SYCP2L: variants seen among roughly 807,000 people sequenced by gnomAD.
SYCP2L encodes the protein synaptonemal complex protein 2 like, also known as synaptonemal complex protein 2-like.
In SYCP2L, 98 loss-of-function variants were observed where a neutral mutation model predicts 125.8. The ratio of observed to expected loss-of-function variants is 0.78; its 90% confidence interval spans 0.66 to 0.92. The LOEUF (loss-of-function observed/expected upper bound fraction) is 0.92, where lower values mean the gene tolerates loss of function less well. SYCP2L is among the 40% of genes least tolerant of loss of function. SYCP2L has a pLI of 0.00. For missense variants in SYCP2L, 842 were observed against 936.4 expected, an observed-to-expected ratio of 0.90 and a Z score of 1.32; for synonymous variants, 317 against 325.4, an observed-to-expected ratio of 0.97 and a Z score of 0.28.
At chr6:10,910,775 T>C (rs1178134033) in intron 11 of SYCP2L, 49 bp from the exon 12 acceptor site, 1 of 1,596,436 alleles carries the variant, frequency 6.3e-7, no homozygotes. Flanking sequence ...TGTAGATGTG[T>C]TTAAGATTCA....
intron 9 of SYCP2L, among the ~76,000 whole-genome samples, chr6:10,907,030 G>GT (rs1780509444): frequency 6.6e-6 from 1 of 151,406 alleles, no homozygotes. Context: ...GATTTTTATT[G>GT]TATTTCTTAA....
At position 10,910,847 on chromosome 6, in the gene SYCP2L, C is replaced by G. The variant is rs750644170; in HGVS notation, c.896C>G (p.Ala299Gly). The G allele has an allele frequency of 6.2e-7, 1 of 1,613,880 alleles. No individual in the cohort carries two copies. The highest frequency in any genetic ancestry group is 1.7e-5 in the Admixed American group (1 of 59,990). ...AGGGTGTATTCATTTCCGTGTATTG[C>G]TGCTTTTGCTGATGAGCATGAGGTA... ...QRRVYSFPCI[A>G]AFADEHEMRK... is the part of the protein sequence containing the mutation. Residue 299 changes from alanine to glycine, a missense_variant, in exon 12 of 30, where the codon GCT becomes GGT. Transcript: ENST00000283141.
chr6:10,923,380 CTTTTTTTTTTTT>C (rs1226992236), intron 14 of SYCP2L, among the ~76,000 whole-genome samples: 3 of 92,478 alleles, frequency 3.2e-5, no homozygotes, highest in South Asian at 7.7e-4. Flanking sequence ...GAAACACACA[CTTTTTTTTTTTT>C]TTTTTTTTTT....
chr6:10,918,097 T>C (rs1386429516), intron 14 of SYCP2L, among the ~76,000 whole-genome samples: 1 of 151,318 alleles, frequency 6.6e-6, no homozygotes, highest in Admixed American at 6.6e-5. Flanking sequence ...TGTTGGGAGG[T>C]TGAGGCTGGA....
intron 6 of SYCP2L, among the ~76,000 whole-genome samples, chr6:10,900,212 G>A (rs1456299819): frequency 6.6e-6 from 1 of 152,182 alleles, no homozygotes; most frequent in African/African-American, 2.4e-5. Context: ...AGAGATTAGG[G>A]TACCAGCATG....
At chr6:10,907,520 C>T (rs772269097) in intron 9 of SYCP2L, 22 bp from the exon 10 acceptor site, 1 of 1,600,588 alleles carries the variant, frequency 6.2e-7, no homozygotes, top group African/African-American at 1.3e-5. Flanking sequence ...TTATCTATGT[C>T]TACTATGTTT....
At chr6:10,928,199 C>CACAAGGGTATTGTGATACCCTTGTGAT (rs1037142965) in intron 17 of SYCP2L, among the ~76,000 whole-genome samples, 2 of 151,662 alleles carry the variant, frequency 1.3e-5, no homozygotes, top group South Asian at 2.1e-4. Context: ...CATAGGAAAT[C>CACAAGGGTATTGTGATACCCTTGTGAT]ACAAGGGTAT....
At chr6:10,951,712 T>G (rs2113397355) in intron 23 of SYCP2L, among the ~76,000 whole-genome samples, 1 of 152,328 alleles carries the variant, frequency 6.6e-6, no homozygotes, top group East Asian at 1.9e-4. Context: ...TTTTGGTAGA[T>G]TCTGTTCTTG....
At chr6:10,931,271 G>T (rs1209461885) in intron 19 of SYCP2L, among the ~76,000 whole-genome samples, 169 bp from the exon 20 acceptor site, 1 of 152,232 alleles carries the variant, frequency 6.6e-6, no homozygotes, top group African/African-American at 2.4e-5. Context: ...GAACTGAGTG[G>T]TGAGGAACAA....
intron 1 of SYCP2L, 68 bp from the exon 2 acceptor site, chr6:10,891,445 T>G: frequency 2.1e-6 from 2 of 958,098 alleles, no homozygotes; most frequent in African/African-American, 1.7e-5. Flanking sequence ...TTTTGCTTTG[T>G]GTTTAAAACT....
chr6:10,905,512 G>A (rs377525608), intron 8 of SYCP2L, among the ~76,000 whole-genome samples: 4 of 152,058 alleles, frequency 2.6e-5, no homozygotes, highest in African/African-American at 7.2e-5. Context: ...GGCTGGTCTC[G>A]AACTCCGAAC....
At chr6:10,904,849 G>A (rs571141892) in intron 8 of SYCP2L, among the ~76,000 whole-genome samples, 3 of 152,034 alleles carry the variant, frequency 2.0e-5, no homozygotes, top group East Asian at 1.9e-4. Flanking sequence ...TTAAAAGATC[G>A]ACTCGGCCGG....
At chr6:10,960,196 A>G (rs1017432059) in intron 26 of SYCP2L, among the ~76,000 whole-genome samples, 1 of 152,212 alleles carries the variant, frequency 6.6e-6, no homozygotes, top group Non-Finnish European at 1.5e-5. Flanking sequence ...AAGGAATGGC[A>G]AGTTGATTTG....
At chr6:10,932,677 T>G (rs1334151176) in intron 20 of SYCP2L, among the ~76,000 whole-genome samples, 1 of 152,200 alleles carries the variant, frequency 6.6e-6, no homozygotes, top group Non-Finnish European at 1.5e-5. Flanking sequence ...AGTTATCAGT[T>G]AGAAATGGAC....
intron 17 of SYCP2L, among the ~76,000 whole-genome samples, 184 bp from the exon 18 acceptor site, chr6:10,928,219 C>A (rs1780931773): frequency 6.6e-6 from 1 of 151,578 alleles, no homozygotes; most frequent in South Asian, 2.1e-4. Context: ...TTGTGATACC[C>A]TTGTGATACA....
intron 15 of SYCP2L, 28 bp from the exon 16 acceptor site, chr6:10,926,311 C>A: frequency 6.5e-7 from 1 of 1,534,094 alleles, no homozygotes; most frequent in Non-Finnish European, 8.9e-7. Flanking sequence ...GACTACATTT[C>A]AAAGTTGACC....
chr6:10,961,323 C>T lies in SYCP2L; in HGVS notation c.2274C>T (p.Arg758=). 1 of 1,614,114 alleles carries T rather than the reference C, an allele frequency of 6.2e-7. No homozygotes were observed. The highest frequency in any genetic ancestry group is 8.5e-7 in the Non-Finnish European group (1 of 1,179,998). ...TTATTAGACTCAATAAACTAGAGCGCTTTCAAAATTTGGTTCTTCAAGAGT... is the reference window on the plus strand; with the variant it reads ...TTATTAGACTCAATAAACTAGAGCGTTTTCAAAATTTGGTTCTTCAAGAGT... ...MQLFRLNKLE[R]FQNLVLQELS... is the part of the protein sequence containing the mutation. The change falls in exon 27 of 30, where the codon CGC becomes CGT. Residue 758 remains arginine (R), a synonymous_variant. Transcript: ENST00000283141.
chr6:10,936,318 G>C (rs1781094338), intron 21 of SYCP2L, among the ~76,000 whole-genome samples: 1 of 151,998 alleles, frequency 6.6e-6, no homozygotes, highest in Admixed American at 6.6e-5. Flanking sequence ...CCAATATAGT[G>C]AAACCTCGTC....
intron 16 of SYCP2L, among the ~76,000 whole-genome samples, chr6:10,926,828 G>A (rs1186170936): frequency 6.8e-6 from 1 of 146,496 alleles, no homozygotes; most frequent in Non-Finnish European, 1.5e-5. Context: ...TGCCCAGGCT[G>A]GAGTGCAGTG....
Sources: gnomAD v4.1 joint callset for allele counts (sites outside exome capture counted in the v4.1 genomes callset) on GRCh38, gnomAD v4.1.1 for gene constraint, MANE v1.5 for transcripts, NCBI Gene and HGNC (gene_info 2026-07-23, HGNC 2026-07-21) for gene names.